The following TSPAN9 variants were observed in gnomAD, a reference collection of about 807,000 sequenced individuals.
TSPAN9 encodes tetraspanin 9.
In TSPAN9, 16 loss-of-function variants were observed where a neutral mutation model predicts 31.0. The observed-to-expected ratio is 0.52, with a 90% CI of 0.35 to 0.78. The LOEUF (loss-of-function observed/expected upper bound fraction) is 0.78, where lower values mean the gene tolerates loss of function less well. Ranked by LOEUF, TSPAN9 falls within the 30% of genes least tolerant of loss-of-function variation. TSPAN9 has a pLI of 0.01. For missense variants in TSPAN9, 272 were observed against 312.5 expected (o/e 0.87, Z 0.98); for synonymous variants, 145 against 121.6 (o/e 1.19, Z -1.27).
At chr12:3,105,131 G>T (rs1410449135) in intron 2 of TSPAN9, among the ~76,000 whole-genome samples, 1 of 152,202 alleles carries the variant, frequency 6.6e-6, no homozygotes, top group East Asian at 1.9e-4. Context: ...GCCTCTCTGG[G>T]CCTACAGGAC....
chr12:3,227,017 A>G (rs565504420), intron 3 of TSPAN9, among the ~76,000 whole-genome samples: 1 of 150,738 alleles, frequency 6.6e-6, no homozygotes, highest in Non-Finnish European at 1.5e-5. Context: ...GAGTGCAGAG[A>G]GGGAGACCTG....
intron 3 of TSPAN9, among the ~76,000 whole-genome samples, chr12:3,238,963 G>A (rs770503563): frequency 6.6e-6 from 1 of 152,150 alleles, no homozygotes; most frequent in Non-Finnish European, 1.5e-5. Flanking sequence ...AAGGAGGGTC[G>A]GGTGGCCGCC....
At chr12:3,150,196 C>T (rs34885886) in intron 2 of TSPAN9, among the ~76,000 whole-genome samples, 19,910 of 152,274 alleles carry the variant, frequency 0.13, 1,579 homozygotes, top group East Asian at 0.22. Context: ...ATGTCTCGGC[C>T]TCCCTCGGTC....
At chr12:3,223,685 A>G (rs1196615149) in intron 3 of TSPAN9, among the ~76,000 whole-genome samples, 3 of 152,180 alleles carry the variant, frequency 2.0e-5, no homozygotes, top group Non-Finnish European at 2.9e-5. Context: ...ATAAAATGGG[A>G]AGGGGAACAC....
At chr12:3,201,468 T>A (rs1481230986) in intron 3 of TSPAN9, among the ~76,000 whole-genome samples, 2 of 152,152 alleles carry the variant, frequency 1.3e-5, no homozygotes, top group Non-Finnish European at 2.9e-5. Flanking sequence ...GGCTCCAGCT[T>A]GCCTGTCTTC....
intron 8 of TSPAN9, 150 bp downstream of exon 8, chr12:3,281,967 C>G (rs764071375): frequency 1.1e-6 from 1 of 884,582 alleles, no homozygotes; most frequent in Non-Finnish European, 1.9e-6. Flanking sequence ...TGCCTGCCAC[C>G]GTTTCCGCAG....
At chr12:3,201,062 GGCTCCCGGGGCC>G in intron 2 of TSPAN9, 103 bp from the exon 3 acceptor site, 1 of 963,402 alleles carries the variant, frequency 1.0e-6, no homozygotes, top group Non-Finnish European at 1.6e-6. Flanking sequence ...CGGCACCGCG[GGCTCCCGGGGCC>G]AGAGCCGCGC....
chr12:3,109,289 T>A (rs1314872490), intron 2 of TSPAN9, among the ~76,000 whole-genome samples: 4 of 123,588 alleles, frequency 3.2e-5, no homozygotes, highest in Admixed American at 3.0e-4. Flanking sequence ...TGTGTGTGTG[T>A]GTGTGTGTGT....
chr12:3,207,635 C>T (rs999740815), intron 3 of TSPAN9, among the ~76,000 whole-genome samples: 3 of 152,222 alleles, frequency 2.0e-5, no homozygotes, highest in Admixed American at 6.5e-5. Context: ...TACCTCCTCT[C>T]CTGTGCGCCC....
intron 3 of TSPAN9, among the ~76,000 whole-genome samples, chr12:3,269,339 C>T (rs758086079): frequency 0.043 from 942 of 22,060 alleles, 81 homozygotes; most frequent in Middle Eastern, 0.14. Flanking sequence ...GCCTGCCCTC[C>T]CTGTGTTCCT....
intron 8 of TSPAN9, among the ~76,000 whole-genome samples, chr12:3,282,691 C>T (rs1440175709): frequency 6.6e-6 from 1 of 152,216 alleles, no homozygotes; most frequent in Admixed American, 6.5e-5. Flanking sequence ...ATGATCCCTG[C>T]CACCTCCCAC....
intron 3 of TSPAN9, among the ~76,000 whole-genome samples, chr12:3,242,929 G>T (rs1380888356): frequency 6.6e-6 from 1 of 152,250 alleles, no homozygotes; most frequent in African/African-American, 2.4e-5. Flanking sequence ...GAAGTGATGT[G>T]TGGGCCTGTC....
At chr12:3,221,613 C>T (rs1842826330) in intron 3 of TSPAN9, among the ~76,000 whole-genome samples, 1 of 152,128 alleles carries the variant, frequency 6.6e-6, no homozygotes, top group African/African-American at 2.4e-5. Context: ...CCTGCCTTGG[C>T]CTCCCAAAGT....
At chr12:3,196,372 G>A (rs1315837370) in intron 2 of TSPAN9, among the ~76,000 whole-genome samples, 1 of 152,174 alleles carries the variant, frequency 6.6e-6, no homozygotes, top group Admixed American at 6.5e-5. Flanking sequence ...CATCACATCA[G>A]GACATGATAT....
intron 3 of TSPAN9, among the ~76,000 whole-genome samples, chr12:3,209,302 C>T (rs958955784): frequency 1.4e-4 from 21 of 152,022 alleles, no homozygotes; most frequent in Non-Finnish European, 2.8e-4. Context: ...CGTTGATAGT[C>T]GTGGCCATAG....
intron 3 of TSPAN9, among the ~76,000 whole-genome samples, chr12:3,212,874 G>A (rs1009335656): frequency 6.6e-6 from 1 of 152,186 alleles, no homozygotes; most frequent in Non-Finnish European, 1.5e-5. Flanking sequence ...TATGAGAAGG[G>A]TGAAAAGGAG....
At chr12:3,158,721 CAAA>C (rs765787475) in intron 2 of TSPAN9, among the ~76,000 whole-genome samples, 2 of 57,896 alleles carry the variant, frequency 3.5e-5, no homozygotes, top group African/African-American at 7.2e-5. Flanking sequence ...GACTCTGTCT[CAAA>C]AAAAAAAAAA....
chr12:3,180,888 G>C (rs1048327753), intron 2 of TSPAN9, among the ~76,000 whole-genome samples: 55 of 152,180 alleles, frequency 3.6e-4, no homozygotes, highest in African/African-American at 1.3e-3. Context: ...AATCCACGAA[G>C]TTATTCTATT....
chr12:3,122,595 C>A (rs1455385274), intron 2 of TSPAN9, among the ~76,000 whole-genome samples: 3 of 151,974 alleles, frequency 2.0e-5, no homozygotes, highest in Non-Finnish European at 4.4e-5. Flanking sequence ...GATTTTGAAT[C>A]TTTTGTCTGA....
Sources: allele counts gnomAD v4.1 joint callset (sites outside exome capture counted in the v4.1 genomes callset), GRCh38; gene constraint gnomAD v4.1.1; transcripts MANE v1.5; gene names NCBI Gene and HGNC (gene_info 2026-07-23, HGNC 2026-07-21).